JAKMIP3: variants seen among roughly 807,000 people sequenced by gnomAD.
JAKMIP3 encodes Janus kinase and microtubule interacting protein 3.
In JAKMIP3, 58 loss-of-function variants were observed where a neutral mutation model predicts 118.5. The observed-to-expected ratio is 0.49, with a 90% confidence interval of 0.40 to 0.61. JAKMIP3 has a LOEUF of 0.61. Ranked by LOEUF, JAKMIP3 falls within the 20% of genes least tolerant of loss-of-function variation. JAKMIP3 has a pLI of 0.00. For synonymous variants in JAKMIP3, 486 were observed against 451.2 expected, an observed-to-expected ratio of 1.08 and a Z score of -0.98; for missense variants, 950 against 1,109.0, an observed-to-expected ratio of 0.86 and a Z score of 2.04.
At chr10:132,099,122 G>A (rs2044424017) in intron 1 of JAKMIP3, among the ~76,000 whole-genome samples, 1 of 152,154 alleles carries the variant, frequency 6.6e-6, no homozygotes, top group South Asian at 2.1e-4. Context: ...ACTTCTCGGT[G>A]TCCTCTGCAT....
chr10:132,089,350 T>C (rs1387674365), intron 1 of JAKMIP3, among the ~76,000 whole-genome samples: 1 of 152,216 alleles, frequency 6.6e-6, no homozygotes, highest in Non-Finnish European at 1.5e-5. Context: ...GCATGGAATG[T>C]TTTTCCATTT....
intron 2 of JAKMIP3, among the ~76,000 whole-genome samples, chr10:132,107,502 A>C (rs908997104): frequency 3.9e-5 from 6 of 152,230 alleles, no homozygotes; most frequent in African/African-American, 1.4e-4. Context: ...CACAACGTGC[A>C]GAAGGCACCG....
In JAKMIP3 at chr10:132,048,596, T is replaced by C. The variant is rs2133797667; in HGVS notation, c.-138+11858T>C. 2.0e-5 allele frequency among the ~76,000 whole-genome samples: 3 copies of C among 152,180 alleles called. No individual in the cohort carries two copies. The East Asian group carries it at 5.8e-4, about 29-fold the overall frequency. Reference sequence around the variant, plus strand: ...CAGCTCATCATGGTTTTGCGGTGTGTGTGTGTGTTTTGTTAAGTATTTCCT... The same window carrying C: ...CAGCTCATCATGGTTTTGCGGTGTGCGTGTGTGTTTTGTTAAGTATTTCCT... On this transcript the variant is annotated intron_variant, in intron 1 of 23. Transcript: ENST00000657785.
intron 1 of JAKMIP3, among the ~76,000 whole-genome samples, chr10:132,046,411 G>C (rs926475114): frequency 6.6e-6 from 1 of 151,808 alleles, no homozygotes; most frequent in African/African-American, 2.4e-5. Context: ...AGCCGAGATC[G>C]CGCCACTGCA....
chr10:132,170,749 C>T (rs984291680), intron 23 of JAKMIP3, among the ~76,000 whole-genome samples: 13 of 152,150 alleles, frequency 8.5e-5, no homozygotes, highest in African/African-American at 2.9e-4. Context: ...GTCGGCATGG[C>T]GGGGACAGAG....
rs1054913833 is a variant in JAKMIP3 at position 132,183,238 on chromosome 10, G to C, written c.*1985G>C. 3 of 152,266 alleles carry C rather than the reference G, an allele frequency of 2.0e-5. No homozygotes were observed. The highest frequency in any genetic ancestry group is 1.3e-4 in the Admixed American group (2 of 15,282). The allele number at this position is 152,266 out of a possible 1,614,324, so 9.4% of individuals were successfully genotyped here. ...ATGGACTCTACGATGCAGGCATCCA[G>C]AAATATGTTGTAACTCTACCTGGCT... On this transcript the variant is annotated 3_prime_UTR_variant, in exon 24 of 24. Transcript: ENST00000684848.
intron 5 of JAKMIP3, 42 bp downstream of exon 5, chr10:132,135,202 C>T: frequency 1.3e-6 from 2 of 1,564,606 alleles, no homozygotes; most frequent in Non-Finnish European, 1.7e-6. Flanking sequence ...GGGTTTGTGA[C>T]TGCGGAGCTG....
chr10:132,097,199 T>A (rs1482772444), intron 1 of JAKMIP3, among the ~76,000 whole-genome samples: 1 of 152,200 alleles, frequency 6.6e-6, no homozygotes. Flanking sequence ...GGAGACCAGC[T>A]GGGCAATAAA....
chr10:132,086,411 T>C (rs2042400822), intron 1 of JAKMIP3, among the ~76,000 whole-genome samples: 2 of 152,222 alleles, frequency 1.3e-5, no homozygotes, highest in African/African-American at 4.8e-5. Context: ...ATTGTTTCTT[T>C]GTTGACTTTC....
intron 2 of JAKMIP3, among the ~76,000 whole-genome samples, chr10:132,110,034 C>A (rs2046607119): frequency 6.6e-6 from 1 of 152,212 alleles, no homozygotes; most frequent in Admixed American, 6.5e-5. Context: ...GGAACTGGAG[C>A]CTCCTATCTA....
At chr10:132,111,559 C>T (rs1163642667) in intron 2 of JAKMIP3, among the ~76,000 whole-genome samples, 3 of 151,870 alleles carry the variant, frequency 2.0e-5, no homozygotes, top group Non-Finnish European at 4.4e-5. Flanking sequence ...CAGGAGGGGG[C>T]CTAGTAACCT....
Position 132,167,963 on chromosome 10 carries a change from A to T in JAKMIP3, c.*33A>T, listed in dbSNP as rs539126802. 2.3e-6 allele frequency: 3 copies of T among 1,289,254 alleles called. No homozygotes were observed. 79.9% of individuals were successfully genotyped at this position (1,289,254 alleles called of 1,614,324 possible). On this transcript the variant is annotated 3_prime_UTR_variant, in exon 23 of 24. Transcript: ENST00000684848. ...TTTCATTTCTTCCAGCCCCACATTG[A>T]ATCGGACCCTTTTCCTCCAGTGGGA...
At chr10:132,050,251 C>T (rs1038541243) in intron 1 of JAKMIP3, among the ~76,000 whole-genome samples, 1 of 152,224 alleles carries the variant, frequency 6.6e-6, no homozygotes, top group South Asian at 2.1e-4. Flanking sequence ...CTCAGATCCT[C>T]GCGCTGCCCG....
At chr10:132,040,175 A>C (rs2037684049) in intron 1 of JAKMIP3, among the ~76,000 whole-genome samples, 2 of 152,142 alleles carry the variant, frequency 1.3e-5, no homozygotes, top group South Asian at 4.1e-4. Flanking sequence ...GTGGGCCCCC[A>C]GGATGGGATG....
intron 1 of JAKMIP3, among the ~76,000 whole-genome samples, chr10:132,088,584 T>A (rs2042702951): frequency 6.6e-6 from 1 of 152,228 alleles, no homozygotes; most frequent in African/African-American, 2.4e-5. Flanking sequence ...TTTGTTTGAG[T>A]TCTTTGTAGA....
At chr10:132,076,513 G>A (rs2040811859) in intron 1 of JAKMIP3, among the ~76,000 whole-genome samples, 1 of 152,274 alleles carries the variant, frequency 6.6e-6, no homozygotes, top group African/African-American at 2.4e-5. Context: ...CCGTTCTCTT[G>A]GGTTTACACC....
At chr10:132,058,554 T>G (rs2038308511) in intron 1 of JAKMIP3, among the ~76,000 whole-genome samples, 1 of 152,242 alleles carries the variant, frequency 6.6e-6, no homozygotes, top group Non-Finnish European at 1.5e-5. Context: ...GCCGCTCCCC[T>G]GGGCACGCAG....
chr10:132,046,075 C>A (rs1159821426), intron 1 of JAKMIP3, among the ~76,000 whole-genome samples: 1 of 152,146 alleles, frequency 6.6e-6, no homozygotes, highest in Non-Finnish European at 1.5e-5. Context: ...CAGAACATAG[C>A]CATCAGCCTA....
At chr10:132,101,545 T>C (rs1217322133) in intron 1 of JAKMIP3, among the ~76,000 whole-genome samples, 1 of 152,222 alleles carries the variant, frequency 6.6e-6, no homozygotes, top group Non-Finnish European at 1.5e-5. Context: ...GAACGACAAC[T>C]GTCTCGGCAG....
Sources: gnomAD v4.1 joint callset for allele counts (sites outside exome capture counted in the v4.1 genomes callset) on GRCh38, gnomAD v4.1.1 for gene constraint, MANE v1.5 for transcripts, NCBI Gene and HGNC (gene_info 2026-07-23, HGNC 2026-07-21) for gene names.